The following CD226 variants were observed in gnomAD, a reference collection of about 807,000 sequenced individuals.
CD226 encodes the protein CD226 molecule.
CD226 carries 24 observed loss-of-function variants against 34.9 expected under a neutral mutation model. That is an observed-to-expected ratio of 0.69 (90% CI 0.50 to 0.97). CD226 has a LOEUF of 0.97. CD226 is among the 50% of genes least tolerant of loss of function. The pLI, the probability that CD226 is intolerant of heterozygous loss-of-function variation, is 0.00. For missense variants in CD226, 397 were observed against 412.7 expected, an observed-to-expected ratio of 0.96 and a Z score of 0.33; for synonymous variants, 148 against 147.4, an observed-to-expected ratio of 1.00 and a Z score of -0.03.
intron 2 of CD226, among the ~76,000 whole-genome samples, chr18:69,940,578 T>G (rs2055711535): frequency 7.4e-6 from 1 of 135,708 alleles, no homozygotes; most frequent in African/African-American, 2.7e-5. Flanking sequence ...AAGGTCACTC[T>G]TGCTATGCAA....
chr18:69,872,908 G>C (rs539632953), intron 4 of CD226, among the ~76,000 whole-genome samples: 36 of 152,268 alleles, frequency 2.4e-4, no homozygotes, highest in African/African-American at 8.7e-4. Flanking sequence ...GCAGGATAAA[G>C]AGCAGAGGCA....
rs191359246 is a variant in CD226 at position 69,855,621 on chromosome 18, T to C, written c.*8693A>G. 9.5e-4 allele frequency: 144 copies of C among 151,106 alleles called. No individual in the cohort carries two copies. Among genetic ancestry groups the C allele is most frequent in the African/African-American group, 3.3e-3 (135 of 41,098 alleles). 9.4% of individuals were successfully genotyped at this position (151,106 alleles called of 1,614,324 possible). A position where few individuals can be genotyped will look rare whatever the true frequency, so the allele number is the denominator to read the frequency against. ...GTAGCTCAGATAACACTAAATAGAA[T>C]AAATACCAAAAAAAAGAGGGGAAAA... On this transcript the variant is annotated 3_prime_UTR_variant, in exon 6 of 6. Coordinates refer to ENST00000582621, the MANE Select transcript of CD226 (RefSeq NM_001303618.2).
chr18:69,958,788 AACACACACAC>A (rs59835947), upstream of CD226, among the ~76,000 whole-genome samples: 164 of 143,788 alleles, frequency 1.1e-3, 1 homozygote, highest in African/African-American at 2.9e-3. Context: ...TTCACAGGCA[AACACACACAC>A]ACACACACAC....
At chr18:69,952,741 T>C (rs2055864846), upstream of CD226, among the ~76,000 whole-genome samples, 1 of 152,042 alleles carries the variant, frequency 6.6e-6, no homozygotes, top group Admixed American at 6.5e-5. Flanking sequence ...AAGAAAAAAA[T>C]AAATTGGACT....
rs1051892651 is a variant in CD226 at position 69,853,680 on chromosome 18, G to A, written c.*10634C>T. On this transcript the variant is annotated 3_prime_UTR_variant, in exon 6 of 6. Coordinates refer to ENST00000582621, the MANE Select transcript of CD226 (RefSeq NM_001303618.2). ...GCTCTGTGATGAGTGAGCATCCCCA[G>A]CAGTTCATCTTTAGTTTATTTCCAA... The A allele has an allele frequency of 2.6e-5, 4 of 152,120 alleles. No individual in the cohort carries two copies. The highest frequency in any genetic ancestry group is 2.1e-4 in the South Asian group (1 of 4,824). The allele number at this position is 152,120 out of a possible 1,614,324, so 9.4% of individuals were successfully genotyped here.
chr18:69,961,309 G>A (rs1412703434), upstream of CD226, among the ~76,000 whole-genome samples: 1 of 152,146 alleles, frequency 6.6e-6, no homozygotes, highest in Non-Finnish European at 1.5e-5. Flanking sequence ...TCTATGGCAA[G>A]ACCCAATTTT....
chr18:69,886,676 A>C (rs923342754), intron 3 of CD226, among the ~76,000 whole-genome samples: 8 of 152,112 alleles, frequency 5.3e-5, no homozygotes, highest in African/African-American at 1.9e-4. Flanking sequence ...ATTGCACTCC[A>C]GCCTGGGCAA....
At chr18:69,954,203 G>A (rs992152062) in intron 1 of CD226, among the ~76,000 whole-genome samples, 2 of 151,826 alleles carry the variant, frequency 1.3e-5, no homozygotes, top group South Asian at 2.1e-4. Flanking sequence ...CAACCACCCC[G>A]GTCCAAAGAT....
rs1982856310 is a variant in CD226 at position 69,862,017 on chromosome 18, T to C, written c.*2297A>G. Reference sequence around the variant, plus strand: ...ACAGAGTAAATAGTTCTCATCAATATTTTGAATGAGAGACCAAAAACACAA... The same window carrying C: ...ACAGAGTAAATAGTTCTCATCAATACTTTGAATGAGAGACCAAAAACACAA... On this transcript the variant is annotated 3_prime_UTR_variant, in exon 6 of 6. Coordinates refer to ENST00000582621, the MANE Select transcript of CD226 (RefSeq NM_001303618.2). The C allele has an allele frequency of 6.6e-6, 1 of 152,164 alleles. No individual in the cohort carries two copies. The highest frequency in any genetic ancestry group is 2.4e-5 in the African/African-American group (1 of 41,442). 9.4% of individuals were successfully genotyped at this position (152,164 alleles called of 1,614,324 possible).
rs1323876194 is a variant in CD226, at chr18:69,854,038, C to T, written c.*10276G>A. The T allele has an allele frequency of 1.3e-5, 2 of 152,018 alleles. No individual in the cohort carries two copies. The highest frequency in any genetic ancestry group is 1.9e-4 in the East Asian group (1 of 5,190). 9.4% of individuals were successfully genotyped at this position (152,018 alleles called of 1,614,324 possible). A position where few individuals can be genotyped will look rare whatever the true frequency, so the allele number is the denominator to read the frequency against. On this transcript the variant is annotated 3_prime_UTR_variant, in exon 6 of 6. Transcript: ENST00000582621. The stretch of plus-strand genomic sequence containing the variant: ...GGGCAAAGAGACAGGTCAGAAACCA[C>T]GATAACAAAAAACATATGTGTTAAA...
Position 69,856,064 on chromosome 18 carries a change from G to C in CD226, c.*8250C>G, listed in dbSNP as rs1028451638. On this transcript the variant is annotated 3_prime_UTR_variant, in exon 6 of 6. Coordinates refer to ENST00000582621, the MANE Select transcript of CD226 (RefSeq NM_001303618.2). ...GCAACTATACATTGTCTATAAGAAA[G>C]GCACATTAAATATAAATATTTAGAT... 1 of 151,934 alleles carries C rather than the reference G, an allele frequency of 6.6e-6. No individual in the cohort carries two copies. Among genetic ancestry groups the C allele is most frequent in the African/African-American group, 2.4e-5 (1 of 41,366 alleles). The allele number at this position is 151,934 out of a possible 1,614,324, so 9.4% of individuals were successfully genotyped here. A position where few individuals can be genotyped will look rare whatever the true frequency, so the allele number is the denominator to read the frequency against.
At chr18:69,937,029 C>T (rs2055662809) in intron 2 of CD226, among the ~76,000 whole-genome samples, 1 of 152,132 alleles carries the variant, frequency 6.6e-6, no homozygotes, top group African/African-American at 2.4e-5. Context: ...TGTTTTCTTC[C>T]TTCCTTCTGA....
intron 3 of CD226, among the ~76,000 whole-genome samples, chr18:69,892,443 C>G (rs113127537): frequency 6.6e-6 from 1 of 152,178 alleles, no homozygotes; most frequent in Non-Finnish European, 1.5e-5. Context: ...GTGCTCCCCC[C>G]GTCCCCACTT....
chr18:69,947,471 G>T lies in CD226; in HGVS notation c.-65C>A. On this transcript the variant is annotated 5_prime_UTR_variant, in exon 1 of 6. Transcript: ENST00000582621. ...AAAATTGCTTTTTATAATGTGACAT[G>T]CAGATCCCCAGCACAATGCAGTTTC... 1.0e-6 allele frequency: 1 copy of T among 980,284 alleles called. No individual in the cohort carries two copies. Among genetic ancestry groups the T allele is most frequent in the Non-Finnish European group, 1.6e-6 (1 of 638,504 alleles). The allele number at this position is 980,284 out of a possible 1,614,324, so 60.7% of individuals were successfully genotyped here.
chr18:69,956,576 AAACT>A (rs2055899198), intron 1 of CD226: 1 of 152,270 alleles, frequency 6.6e-6, no homozygotes, highest in Non-Finnish European at 1.5e-5. Context: ...ACCCCTCATT[AAACT>A]AACAGTTCAC....
chr18:69,957,504 CTTTGA>C (rs1410921109), upstream of CD226, among the ~76,000 whole-genome samples: 1 of 152,050 alleles, frequency 6.6e-6, no homozygotes, highest in Non-Finnish European at 1.5e-5. Flanking sequence ...TTATTGATTC[CTTTGA>C]TTTATTAGGT....
intron 2 of CD226, among the ~76,000 whole-genome samples, chr18:69,938,113 T>C (rs897727419): frequency 2.6e-5 from 4 of 152,156 alleles, no homozygotes; most frequent in Admixed American, 2.6e-4. Flanking sequence ...AACATCTCTG[T>C]GCCCAGTTTG....
intron 2 of CD226, among the ~76,000 whole-genome samples, chr18:69,898,725 CGA>C (rs2145253696): frequency 6.6e-6 from 1 of 152,260 alleles, no homozygotes; most frequent in South Asian, 2.1e-4. Flanking sequence ...AGACCTATTA[CGA>C]GGTCGGCCAA....
At chr18:69,868,803 G>A (rs74740932) in intron 4 of CD226, among the ~76,000 whole-genome samples, 13 of 150,904 alleles carry the variant, frequency 8.6e-5, no homozygotes, top group East Asian at 2.0e-4. Flanking sequence ...GCGCGTGCAC[G>A]CACACACACA....
Sources: allele counts gnomAD v4.1 joint callset (sites outside exome capture counted in the v4.1 genomes callset), GRCh38; gene constraint gnomAD v4.1.1; transcripts MANE v1.5; gene names NCBI Gene and HGNC (gene_info 2026-07-23, HGNC 2026-07-21).